Variants in TSPAN15 observed in about 807,000 individuals in gnomAD.
The protein encoded by TSPAN15 is tetraspanin-15.
A neutral mutation model predicts 34.5 loss-of-function variants in TSPAN15; 20 were observed. That is an observed-to-expected ratio of 0.58 (90% confidence interval 0.41 to 0.84). TSPAN15 has a LOEUF of 0.84. Among genes scored for constraint, TSPAN15 ranks in the 40% least tolerant of loss-of-function variants. The pLI, the probability that TSPAN15 is intolerant of heterozygous loss-of-function variation, is 0.00. For synonymous variants in TSPAN15, 155 were observed against 153.9 expected (o/e 1.01, Z -0.05); for missense variants, 313 against 386.1 (o/e 0.81, Z 1.59).
intron 1 of TSPAN15, among the ~76,000 whole-genome samples, chr10:69,462,164 T>TTGTTG (rs576737502): frequency 7.0e-5 from 9 of 128,260 alleles, no homozygotes; most frequent in Admixed American, 5.2e-4. Context: ...AGTTTTTTTT[T>TTGTTG]TTTTTTTTTT....
chr10:69,537,522 C>T, the TSPAN15 span, among the ~76,000 whole-genome samples: 3 of 152,128 alleles, frequency 2.0e-5, no homozygotes, highest in East Asian at 3.8e-4. Flanking sequence ...CTCCAGCCCT[C>T]TCTCCTGGCT....
the TSPAN15 span, among the ~76,000 whole-genome samples, chr10:69,518,028 T>A: frequency 3.9e-5 from 6 of 152,226 alleles, no homozygotes; most frequent in African/African-American, 1.4e-4. Flanking sequence ...GAGTACACCC[T>A]TCCTCAGTTC....
chr10:69,467,214 C>T (rs1841403212), intron 1 of TSPAN15, among the ~76,000 whole-genome samples: 1 of 152,178 alleles, frequency 6.6e-6, no homozygotes, highest in Admixed American at 6.5e-5. Flanking sequence ...CCCTCGGCAC[C>T]CTGTTTCCTA....
chr10:69,539,513 AGAAGAAG>A, the TSPAN15 span, among the ~76,000 whole-genome samples: 1 of 101,150 alleles, frequency 9.9e-6, no homozygotes, highest in Non-Finnish European at 2.1e-5. Context: ...AAGAAGAAGA[AGAAGAAG>A]AAGAAGAAGA....
the TSPAN15 span, among the ~76,000 whole-genome samples, chr10:69,542,848 C>T: frequency 6.6e-6 from 1 of 152,186 alleles, no homozygotes; most frequent in Non-Finnish European, 1.5e-5. Flanking sequence ...CATAGCCAAG[C>T]CATATCGAGC....
At chr10:69,507,930 G>A (rs1359862672), downstream of TSPAN15, among the ~76,000 whole-genome samples, 2 of 151,866 alleles carry the variant, frequency 1.3e-5, no homozygotes, top group Non-Finnish European at 2.9e-5. Flanking sequence ...GATGGGGTGG[G>A]GGACCAGGGA....
At chr10:69,520,499 A>T in the TSPAN15 span, among the ~76,000 whole-genome samples, 2 of 152,176 alleles carry the variant, frequency 1.3e-5, no homozygotes, top group Non-Finnish European at 2.9e-5. Flanking sequence ...TCTACAAAAA[A>T]TACAAAAATT....
chr10:69,515,051 T>C, the TSPAN15 span, among the ~76,000 whole-genome samples: 1 of 152,252 alleles, frequency 6.6e-6, no homozygotes, highest in African/African-American at 2.4e-5. Flanking sequence ...CTAGGTCCTA[T>C]GTCCCTGTGG....
chr10:69,452,265 G>T (rs891985893), intron 1 of TSPAN15, among the ~76,000 whole-genome samples: 5 of 152,224 alleles, frequency 3.3e-5, no homozygotes, highest in African/African-American at 1.2e-4. Flanking sequence ...TTCCGCTGTC[G>T]CTGGGCTTTA....
chr10:69,483,768 C>T lies in TSPAN15; in HGVS notation c.174C>T (p.Ala58=). 5.0e-6 allele frequency: 8 copies of T among 1,614,206 alleles called. No homozygotes were observed. Among genetic ancestry groups the T allele is most frequent in the Non-Finnish European group, 6.8e-6 (8 of 1,180,034 alleles). The change falls in exon 2 of 8, where the codon GCC becomes GCT. Residue 58 remains alanine, a synonymous_variant. Coordinates refer to ENST00000373290, the MANE Select transcript of TSPAN15 (RefSeq NM_012339.5). ...ERQKYKTLES[A]FLAPAIILIL... ...AGAAATATAAAACCCTTGAAAGTGCCTTCCTGGCTCCAGCCATCATCCTCA... is the reference window on the plus strand; with the variant it reads ...AGAAATATAAAACCCTTGAAAGTGCTTTCCTGGCTCCAGCCATCATCCTCA...
In TSPAN15 at chr10:69,506,151, G is replaced by C. The variant is rs745882652; in HGVS notation, c.646G>C (p.Val216Leu). Residue 216 changes from valine to leucine, a missense_variant, in exon 7 of 8, where the codon GTG (valine) becomes CTG (leucine). By Grantham distance (32) the Val-to-Leu change is conservative (BLOSUM62 1). Transcript: ENST00000373290. The surrounding 1 kb of genome is among the most constrained non-coding windows in gnomAD (Gnocchi z 4.7). Reference protein sequence around the residue: ...ERFSVQDVIYVRGCTNAVIIW... With the variant: ...ERFSVQDVIYLRGCTNAVIIW... ...TTTCAGTGTGCAGGATGTCATCTAC[G>C]TGCGGGGCTGCACCAACGCCGTGAT... The C allele has an allele frequency of 3.7e-6, 6 of 1,614,016 alleles. No homozygotes were observed. The highest frequency in any genetic ancestry group is 4.2e-6 in the Non-Finnish European group (5 of 1,180,002).
At chr10:69,539,830 G>T in the TSPAN15 span, among the ~76,000 whole-genome samples, 2 of 152,078 alleles carry the variant, frequency 1.3e-5, no homozygotes, top group African/African-American at 4.8e-5. Flanking sequence ...AAGAAGATGG[G>T]AAAGAGTGTA....
intron 6 of TSPAN15, 93 bp downstream of exon 6, chr10:69,504,578 C>T: frequency 1.5e-6 from 2 of 1,308,608 alleles, no homozygotes; most frequent in Non-Finnish European, 1.1e-6. Context: ...GGGGTCCTGG[C>T]CACTGAGATT....
chr10:69,545,909 T>A, the TSPAN15 span, among the ~76,000 whole-genome samples: 1 of 152,110 alleles, frequency 6.6e-6, no homozygotes, highest in Non-Finnish European at 1.5e-5. Flanking sequence ...TGAGCTGAGA[T>A]CGTGCCACTG....
Position 69,451,530 on chromosome 10 carries a change from C to T in TSPAN15, c.-65C>T. On this transcript the variant is annotated 5_prime_UTR_variant, in exon 1 of 8. Coordinates refer to ENST00000373290, the MANE Select transcript of TSPAN15 (RefSeq NM_012339.5). ...CGGCAGCCGCAGGTGGGGCCACGAG[C>T]GCTGGCTGAGGGACCGAGCCGGAGA... 7.7e-7 allele frequency: 1 copy of T among 1,299,462 alleles called. No individual in the cohort carries two copies. The allele number at this position is 1,299,462 out of a possible 1,614,324, so 80.5% of individuals were successfully genotyped here. A position where few individuals can be genotyped will look rare whatever the true frequency, so the allele number is the denominator to read the frequency against.
the TSPAN15 span, among the ~76,000 whole-genome samples, chr10:69,517,739 G>A: frequency 2.0e-5 from 3 of 152,150 alleles, no homozygotes; most frequent in Non-Finnish European, 4.4e-5. Flanking sequence ...GGCACCACAC[G>A]CCCCAATATC....
At chr10:69,482,966 T>C (rs1841767642) in intron 1 of TSPAN15, among the ~76,000 whole-genome samples, 1 of 51,810 alleles carries the variant, frequency 1.9e-5, no homozygotes, top group Non-Finnish European at 4.9e-5. Flanking sequence ...GCAGGGTTGA[T>C]TTTTTTTTTT....
At position 69,505,090 on chromosome 10, in the gene TSPAN15, C is replaced by T. The variant is rs139467762; in HGVS notation, c.618+605C>T. ...CTGACACATGCTTGAGAGCCATAGA[C>T]CAGCAGTGGTTCTCAGCCCCTCAGA... On this transcript the variant is annotated intron_variant, in intron 6 of 7. Coordinates refer to ENST00000373290, the MANE Select transcript of TSPAN15 (RefSeq NM_012339.5). Among the ~76,000 whole-genome samples the T allele has an allele frequency of 9.3e-3, 1,413 of 152,262 alleles. 17 individuals are homozygous for T. The highest frequency in any genetic ancestry group is 0.03 in the African/African-American group (1,240 of 41,546).
chr10:69,539,470 G>A, the TSPAN15 span, among the ~76,000 whole-genome samples: 4,321 of 57,790 alleles, frequency 0.075, 217 homozygotes, highest in East Asian at 0.2. Flanking sequence ...GAAGGAGAAG[G>A]AGAAGGAGAA....
Sources: gnomAD v4.1 joint callset for allele counts (sites outside exome capture counted in the v4.1 genomes callset) on GRCh38, gnomAD v4.1.1 for gene constraint, Gnocchi (gnomAD v3.1) non-coding constraint, MANE v1.5 for transcripts, NCBI Gene and HGNC (gene_info 2026-07-23, HGNC 2026-07-21) for gene names.